KIF26B: variants seen among roughly 807,000 people sequenced by gnomAD.
The protein encoded by KIF26B is kinesin family member 26B.
A neutral mutation model predicts 151.2 loss-of-function variants in KIF26B; 63 were observed. The observed-to-expected ratio is 0.42, with a 90% CI of 0.34 to 0.51. The LOEUF is 0.51. Among genes scored for constraint, KIF26B ranks in the 20% least tolerant of loss-of-function variants. The pLI, the probability that KIF26B is intolerant of heterozygous loss-of-function variation, is 0.07. For synonymous variants in KIF26B, 1,357 were observed against 1,262.1 expected (o/e 1.08, Z -1.59); for missense variants, 2,813 against 2,913.6 (o/e 0.97, Z 0.79).
chr1:245,524,065 G>C (rs1352794300), intron 4 of KIF26B, among the ~76,000 whole-genome samples: 1 of 152,032 alleles, frequency 6.6e-6, no homozygotes, highest in African/African-American at 2.4e-5. Flanking sequence ...ATATATATTG[G>C]GAACCAGTTA....
chr1:245,476,149 A>C (rs1660033425), intron 4 of KIF26B, among the ~76,000 whole-genome samples: 1 of 151,920 alleles, frequency 6.6e-6, no homozygotes, highest in Non-Finnish European at 1.5e-5. Context: ...GAAATAAGCC[A>C]GATACAAAAG....
chr1:245,297,273 G>A (rs1260213144), intron 2 of KIF26B, among the ~76,000 whole-genome samples: 1 of 152,204 alleles, frequency 6.6e-6, no homozygotes, highest in African/African-American at 2.4e-5. Flanking sequence ...AACTCAGGAG[G>A]TAGAGGTTGC....
intron 4 of KIF26B, among the ~76,000 whole-genome samples, chr1:245,475,841 A>G (rs1310394253): frequency 6.6e-6 from 1 of 151,892 alleles, no homozygotes; most frequent in Non-Finnish European, 1.5e-5. Context: ...GCTGTGGCAC[A>G]GTCTGGCTGT....
Position 245,488,280 on chromosome 1 carries a change from C to T in KIF26B, c.1167-52487C>T, listed in dbSNP as rs111908941. On this transcript the variant is annotated intron_variant, in intron 4 of 14. Coordinates refer to ENST00000407071, the MANE Select transcript of KIF26B (RefSeq NM_018012.4). This position sits in a 1 kb window ranked among gnomAD's most constrained non-coding sequence, Gnocchi z 4.6. ...GCTTTGATAGCAACTTTTAGGCTCCCTTAGCTTTAAAAAAGAATCCTCTAA... is the reference window on the plus strand; with the variant it reads ...GCTTTGATAGCAACTTTTAGGCTCCTTTAGCTTTAAAAAAGAATCCTCTAA... Among the ~76,000 whole-genome samples, 3 of 152,110 alleles carry T rather than the reference C, an allele frequency of 2.0e-5. No individual in the cohort carries two copies. The highest frequency in any genetic ancestry group is 1.9e-4 in the East Asian group (1 of 5,180).
chr1:245,534,193 C>T (rs910459194), intron 4 of KIF26B, among the ~76,000 whole-genome samples: 9 of 151,770 alleles, frequency 5.9e-5, no homozygotes, highest in African/African-American at 2.2e-4. Context: ...GACAGAGTCT[C>T]GTGCTGTCCC....
chr1:245,329,121 A>T (rs192268771), intron 2 of KIF26B, among the ~76,000 whole-genome samples: 64 of 152,306 alleles, frequency 4.2e-4, no homozygotes, highest in African/African-American at 1.4e-3. Flanking sequence ...AGCTTTAGCC[A>T]TTGCTGTGGT....
chr1:245,684,122 T>G, intron 10 of KIF26B, 111 bp from the exon 11 acceptor site: 1 of 1,136,114 alleles, frequency 8.8e-7, no homozygotes, highest in Non-Finnish European at 1.3e-6. Flanking sequence ...TTAAAAAGGG[T>G]GGGGGGACCA....
At chr1:245,237,114 C>T (rs746224227) in intron 2 of KIF26B, among the ~76,000 whole-genome samples, 1 of 152,300 alleles carries the variant, frequency 6.6e-6, no homozygotes, top group African/African-American at 2.4e-5. Flanking sequence ...TCTCTTTCTT[C>T]CTCTGTCCTC....
At chr1:245,596,455 G>T (rs1351414762) in intron 5 of KIF26B, among the ~76,000 whole-genome samples, 1 of 152,192 alleles carries the variant, frequency 6.6e-6, no homozygotes, top group African/African-American at 2.4e-5. Context: ...CAGTTTCCAT[G>T]TAGTTGTGCA....
chr1:245,351,971 T>C (rs1672577525), intron 2 of KIF26B, among the ~76,000 whole-genome samples: 1 of 152,174 alleles, frequency 6.6e-6, no homozygotes, highest in South Asian at 2.1e-4. Context: ...AATGAATAGA[T>C]TAACTAGGCA....
chr1:245,491,559 G>A (rs980067419), intron 4 of KIF26B, among the ~76,000 whole-genome samples: 1 of 152,184 alleles, frequency 6.6e-6, no homozygotes, highest in South Asian at 2.1e-4. Flanking sequence ...GCCTCTGGGA[G>A]CTCCTTATGG....
At chr1:245,228,714 C>T (rs921576540) in intron 2 of KIF26B, among the ~76,000 whole-genome samples, 10 of 152,266 alleles carry the variant, frequency 6.6e-5, no homozygotes, top group Admixed American at 2.0e-4. Flanking sequence ...TATTATCTCA[C>T]TTAATCTTCG....
intron 4 of KIF26B, chr1:245,511,112 A>G: frequency 1.4e-6 from 1 of 717,420 alleles, no homozygotes; most frequent in Admixed American, 2.0e-5. Context: ...ATCAATGATG[A>G]TGGATTGGAA....
intron 4 of KIF26B, among the ~76,000 whole-genome samples, chr1:245,515,713 G>A (rs192918699): frequency 6.6e-6 from 1 of 152,290 alleles, no homozygotes; most frequent in East Asian, 1.9e-4. Context: ...TGTTGTAGAA[G>A]CAGGCCAGGC....
At chr1:245,332,536 C>A (rs1041546875) in intron 2 of KIF26B, among the ~76,000 whole-genome samples, 14 of 152,306 alleles carry the variant, frequency 9.2e-5, no homozygotes, top group African/African-American at 3.1e-4. Flanking sequence ...TCTGATCTAA[C>A]CTTTCTCTCC....
At chr1:245,386,421 G>A (rs1239354611) in intron 3 of KIF26B, among the ~76,000 whole-genome samples, 1 of 152,044 alleles carries the variant, frequency 6.6e-6, no homozygotes, top group Non-Finnish European at 1.5e-5. Flanking sequence ...CTTGATGGGG[G>A]CCGGGGGCTA....
chr1:245,663,020 G>C (rs10754465), intron 10 of KIF26B, among the ~76,000 whole-genome samples: 1 of 148,456 alleles, frequency 6.7e-6, no homozygotes, highest in African/African-American at 2.5e-5. Flanking sequence ...TCCAATTCTT[G>C]CTTTGTATCT....
chr1:245,191,466 A>T (rs909569451), intron 2 of KIF26B, among the ~76,000 whole-genome samples: 4 of 152,126 alleles, frequency 2.6e-5, no homozygotes, highest in Non-Finnish European at 5.9e-5. Context: ...TAAGAGTGAA[A>T]CTCTTGTCTC....
intron 2 of KIF26B, chr1:245,282,865 C>T (rs575318247): frequency 3.3e-5 from 8 of 241,950 alleles, no homozygotes; most frequent in African/African-American, 1.6e-4. Flanking sequence ...AATTATTTTC[C>T]CTTATTGGCA....
Sources: gnomAD v4.1 joint callset for allele counts (sites outside exome capture counted in the v4.1 genomes callset) on GRCh38, gnomAD v4.1.1 for gene constraint, Gnocchi (gnomAD v3.1) non-coding constraint, MANE v1.5 for transcripts, NCBI Gene and HGNC (gene_info 2026-07-23, HGNC 2026-07-21) for gene names.